The following ANKRD6 variants were observed in gnomAD, a reference collection of about 807,000 sequenced individuals.
ANKRD6 encodes ankyrin repeat domain 6.
A neutral mutation model predicts 82.3 loss-of-function variants in ANKRD6; 56 were observed. That is an observed-to-expected ratio of 0.68 (90% confidence interval 0.55 to 0.85). The LOEUF (loss-of-function observed/expected upper bound fraction) is 0.85. Among genes scored for constraint, ANKRD6 ranks in the 40% least tolerant of loss-of-function variants. ANKRD6 has a pLI of 0.00. For missense variants in ANKRD6, 852 were observed against 907.6 expected (o/e 0.94, Z 0.79); for synonymous variants, 347 against 352.1 (o/e 0.99, Z 0.16).
chr6:89,477,015 G>A (rs560307069), intron 1 of ANKRD6, among the ~76,000 whole-genome samples: 93 of 152,242 alleles, frequency 6.1e-4, no homozygotes, highest in African/African-American at 2.2e-3. Flanking sequence ...CACAATCTTG[G>A]CCCCCTGCAA....
At chr6:89,450,315 A>T (rs1562527418) in intron 1 of ANKRD6, among the ~76,000 whole-genome samples, 1 of 152,060 alleles carries the variant, frequency 6.6e-6, no homozygotes, top group African/African-American at 2.4e-5. Flanking sequence ...CATCTCAAAA[A>T]AAAAAAAGAG....
At chr6:89,622,372 TGTG>T (rs768787909) in intron 10 of ANKRD6, among the ~76,000 whole-genome samples, 7 of 152,148 alleles carry the variant, frequency 4.6e-5, no homozygotes, top group African/African-American at 9.7e-5. Flanking sequence ...GCTCTCAAAA[TGTG>T]GTGTCCAGTG....
chr6:89,612,131 C>G lies in ANKRD6; in HGVS notation c.418-141C>G, dbSNP rs1800381282. 4 of 633,560 alleles carry G rather than the reference C, an allele frequency of 6.3e-6. No individual in the cohort carries two copies. The Admixed American group carries it at 1.2e-4, about 19-fold the overall frequency. 39.2% of individuals were successfully genotyped at this position (633,560 alleles called of 1,614,324 possible). On this transcript the variant is annotated intron_variant, in intron 5 of 15. Coordinates refer to ENST00000339746, the MANE Select transcript of ANKRD6 (RefSeq NM_001242809.2). The stretch of plus-strand genomic sequence containing the variant: ...TAAATGTTCTTACCTCTGAAGCATC[C>G]CCACTGAAACCATCGGGCAAGAGGC...
At position 89,630,772 on chromosome 6, in the gene ANKRD6, G is replaced by T; in HGVS notation, c.1952G>T (p.Ser651Ile). The T allele has an allele frequency of 1.5e-5, 24 of 1,613,932 alleles. No homozygotes were observed. The highest frequency in any genetic ancestry group is 1.9e-5 in the Non-Finnish European group (23 of 1,179,904). ...GGGCAGCCGCCACCAGCCACAGGCA[G>T]CGAGCAGACTGGCCCTCACATTCGG... ...TCGQPPPATGSEQTGPHIRDT... is the reference protein window; with the variant it reads ...TCGQPPPATGIEQTGPHIRDT... The change falls in exon 16 of 16, where the codon AGC (serine) becomes ATC (isoleucine). Residue 651 changes from serine (S) to isoleucine (I), a missense_variant. Coordinates refer to ENST00000339746, the MANE Select transcript of ANKRD6 (RefSeq NM_001242809.2).
At chr6:89,503,781 CTAAGG>C (rs1172729041) in intron 1 of ANKRD6, among the ~76,000 whole-genome samples, 1 of 152,112 alleles carries the variant, frequency 6.6e-6, no homozygotes, top group Non-Finnish European at 1.5e-5. Flanking sequence ...CTTGTAGGCC[CTAAGG>C]GAGAAGCCTG....
intron 2 of ANKRD6, among the ~76,000 whole-genome samples, chr6:89,574,348 C>T (rs1352358722): frequency 6.6e-6 from 1 of 152,172 alleles, no homozygotes; most frequent in South Asian, 2.1e-4. Context: ...GACAGACATC[C>T]CCTGAGGAAC....
intron 1 of ANKRD6, among the ~76,000 whole-genome samples, chr6:89,518,054 G>A (rs766509902): frequency 6.6e-6 from 1 of 152,210 alleles, no homozygotes; most frequent in Non-Finnish European, 1.5e-5. Flanking sequence ...AAACTGACAT[G>A]GTTCCTGTTT....
chr6:89,486,436 AG>A (rs1482249843), intron 1 of ANKRD6, among the ~76,000 whole-genome samples: 1 of 152,174 alleles, frequency 6.6e-6, no homozygotes, highest in East Asian at 1.9e-4. Context: ...TACATTTCTC[AG>A]AATGTATCCA....
chr6:89,560,595 G>A lies in ANKRD6; in HGVS notation c.-143-6239G>A, dbSNP rs36010284. 7.0e-3 allele frequency among the ~76,000 whole-genome samples: 1,061 copies of A among 152,274 alleles called. 10 individuals are homozygous for A. The highest frequency in any genetic ancestry group is 0.012 in the Non-Finnish European group (801 of 68,016). ...TCCCAGCACTTTGGGAGGCTGAGGC[G>A]TTTGGATCACCTCAGGTCAGGAGTT... On this transcript the variant is annotated intron_variant, in intron 1 of 15. Transcript: ENST00000339746.
At chr6:89,435,283 G>A (rs756541377) in intron 1 of ANKRD6, among the ~76,000 whole-genome samples, 1 of 152,088 alleles carries the variant, frequency 6.6e-6, no homozygotes, top group Non-Finnish European at 1.5e-5. Flanking sequence ...CGAGTCACCC[G>A]GCTGAAGAAC....
At chr6:89,621,593 T>G in intron 9 of ANKRD6, 2 of 274,304 alleles carry the variant, frequency 7.3e-6, no homozygotes, top group Non-Finnish European at 1.4e-5. Context: ...ATATCCTAGT[T>G]TATGTGAATG....
chr6:89,495,364 G>A (rs1778483218), intron 1 of ANKRD6, among the ~76,000 whole-genome samples: 1 of 152,228 alleles, frequency 6.6e-6, no homozygotes, highest in Non-Finnish European at 1.5e-5. Context: ...GAGGAGGGTA[G>A]AGGGGATCTC....
chr6:89,586,863 A>C (rs1793802460), intron 2 of ANKRD6, among the ~76,000 whole-genome samples: 1 of 152,156 alleles, frequency 6.6e-6, no homozygotes, highest in African/African-American at 2.4e-5. Flanking sequence ...TATAGAAGGA[A>C]GCCCAACCCT....
Position 89,621,949 on chromosome 6 carries a change from C to G in ANKRD6, c.820C>G (p.Leu274Val), listed in dbSNP as rs375403975. The G allele has an allele frequency of 6.2e-7, 1 of 1,613,894 alleles. No individual in the cohort carries two copies. Among genetic ancestry groups the G allele is most frequent in the Non-Finnish European group, 8.5e-7 (1 of 1,179,902 alleles). Reference sequence around the variant, plus strand: ...CTTGCGCTTCAGTCGTGGGCGAAGCCTGAGGAAAAAGAGAGAGAGGCTCAA... The same window carrying G: ...CTTGCGCTTCAGTCGTGGGCGAAGCGTGAGGAAAAAGAGAGAGAGGCTCAA... ...QVLRFSRGRS[L>V]RKKRERLKEE... Residue 274 changes from leucine to valine, a missense_variant, in exon 10 of 16, where the codon CTG (leucine) becomes GTG (valine). Leu to Val is a conservative substitution (Grantham distance 32). Transcript: ENST00000339746.
intron 1 of ANKRD6, among the ~76,000 whole-genome samples, chr6:89,560,243 G>C (rs540879071): frequency 2.0e-5 from 3 of 152,138 alleles, no homozygotes; most frequent in Non-Finnish European, 4.4e-5. Context: ...AGTTCTTCTG[G>C]CTAGAAGTCC....
intron 3 of ANKRD6, 142 bp downstream of exon 3, chr6:89,596,156 G>A: frequency 1.4e-6 from 1 of 723,630 alleles, no homozygotes; most frequent in Admixed American, 2.2e-5. Flanking sequence ...CTCTGTGGCA[G>A]CAAGAACTTC....
chr6:89,623,009 G>A (rs1475569523), intron 10 of ANKRD6, among the ~76,000 whole-genome samples: 1 of 134,612 alleles, frequency 7.4e-6, no homozygotes, highest in Non-Finnish European at 1.6e-5. Flanking sequence ...GGTTGGGGTG[G>A]GGGAGTGGGG....
intron 1 of ANKRD6, among the ~76,000 whole-genome samples, chr6:89,491,848 G>A (rs1048615470): frequency 1.3e-5 from 2 of 151,904 alleles, no homozygotes; most frequent in African/African-American, 4.8e-5. Flanking sequence ...GGAAAAGAAT[G>A]TAATTCTCCC....
intron 1 of ANKRD6, among the ~76,000 whole-genome samples, chr6:89,502,152 T>C (rs1262659712): frequency 6.6e-6 from 1 of 152,242 alleles, no homozygotes; most frequent in Admixed American, 6.5e-5. Flanking sequence ...TGTTTCTTCA[T>C]AGCAACCATG....
Sources: allele counts gnomAD v4.1 joint callset (sites outside exome capture counted in the v4.1 genomes callset), GRCh38; gene constraint gnomAD v4.1.1; transcripts MANE v1.5; gene names NCBI Gene and HGNC (gene_info 2026-07-23, HGNC 2026-07-21).